Variants in MYO7A observed in about 807,000 individuals in gnomAD.
The protein encoded by MYO7A is myosin VIIA, also known as unconventional myosin-VIIa.
MYO7A carries 210 observed loss-of-function variants against 263.8 expected under a neutral mutation model. The ratio of observed to expected loss-of-function variants is 0.80; its 90% CI spans 0.71 to 0.89. The LOEUF is 0.89. Ranked by LOEUF, MYO7A falls within the 40% of genes least tolerant of loss-of-function variation. The pLI, the probability that MYO7A is intolerant of heterozygous loss-of-function variation, is 0.00. For missense variants in MYO7A, 2,820 were observed against 2,968.3 expected, an observed-to-expected ratio of 0.95 and a Z score of 1.16; for synonymous variants, 1,239 against 1,197.3, an observed-to-expected ratio of 1.03 and a Z score of -0.72.
At chr11:77,173,928 C>G (rs1954377279) in intron 16 of MYO7A, among the ~76,000 whole-genome samples, 1 of 152,012 alleles carries the variant, frequency 6.6e-6, no homozygotes, top group Admixed American at 6.5e-5. Context: ...TTCCCTGGCT[C>G]TGAAGTGGGA....
At chr11:77,179,995 G>A in intron 21 of MYO7A, 42 bp downstream of exon 21, 3 of 1,489,628 alleles carry the variant, frequency 2.0e-6, no homozygotes, top group South Asian at 2.5e-5. Flanking sequence ...CTGACCCCTG[G>A]GCGAGGAGTG....
Position 77,184,648 on chromosome 11 carries a change from C to T in MYO7A, c.3436C>T (p.Arg1146Trp), listed in dbSNP as rs1363747362. The change falls in exon 27 of 49, where the codon CGG (arginine) becomes TGG (tryptophan). Residue 1146 changes from arginine to tryptophan, a missense_variant. Coordinates refer to ENST00000409709, the MANE Select transcript of MYO7A (RefSeq NM_000260.4). ...GCAGGGCAACAGCATGCTGGAGGAC[C>T]GGCCCACCTCCAACCTGGAGAAGCT... is the stretch of plus-strand genomic sequence containing the variant. ...TVQGNSMLED[R>W]PTSNLEKLHF... The T allele has an allele frequency of 6.3e-6, 10 of 1,587,156 alleles. No individual in the cohort carries two copies. In the African/African-American group the frequency reaches 8.1e-5, roughly 13 times the overall value.
rs1317345286 is a variant in MYO7A at position 77,208,858 on chromosome 11, T to C, written c.6051+55T>C. ...GTGCACAGCTAGCGTTGCTGTACTT[T>C]GGCCCTGAAAGCAGAGACCCACTGA... On this transcript the variant is annotated intron_variant, in intron 44 of 48. Transcript: ENST00000409709. 2.1e-6 allele frequency: 3 copies of C among 1,402,906 alleles called. No individual in the cohort carries two copies. The African/African-American group carries it at 4.3e-5, about 20-fold the overall frequency. The allele number at this position is 1,402,906 out of a possible 1,614,324, so 86.9% of individuals were successfully genotyped here.
At chr11:77,160,813 G>A (rs1168216617) in intron 11 of MYO7A, among the ~76,000 whole-genome samples, 160 bp from the exon 12 acceptor site, 1 of 152,070 alleles carries the variant, frequency 6.6e-6, no homozygotes, top group Non-Finnish European at 1.5e-5. Context: ...AGGAAAAGGG[G>A]TCTCCAGGCA....
At chr11:77,168,329 A>C (rs1953755055) in intron 15 of MYO7A, among the ~76,000 whole-genome samples, 1 of 152,206 alleles carries the variant, frequency 6.6e-6, no homozygotes, top group Non-Finnish European at 1.5e-5. Context: ...CTCCAGAAGA[A>C]GTTTTAGGAA....
At position 77,179,753 on chromosome 11, in the gene MYO7A, C is replaced by G. The variant is rs111033339; in HGVS notation, c.2386C>G (p.Arg796Gly). 6 of 1,543,720 alleles carry G rather than the reference C, an allele frequency of 3.9e-6. No homozygotes were observed. Among genetic ancestry groups the G allele is most frequent in the Non-Finnish European group, 5.2e-6 (6 of 1,144,236 alleles). The change falls in exon 21 of 49, where the codon CGG (arginine) becomes GGG (glycine). Residue 796 changes from arginine to glycine, a missense_variant. Transcript: ENST00000409709. Reference sequence around the variant, plus strand: ...CTTGCAGATGCGTCTGGGCTTCCTGCGGCTGCAGGCCCTGCACCGCTCCCG... The same window carrying G: ...CTTGCAGATGCGTCTGGGCTTCCTGGGGCTGCAGGCCCTGCACCGCTCCCG... Reference protein sequence around the residue: ...NYGLMRLGFLRLQALHRSRKL... With the variant: ...NYGLMRLGFLGLQALHRSRKL...
chr11:77,205,690 C>G, intron 40 of MYO7A, 73 bp downstream of exon 40: 1 of 1,587,236 alleles, frequency 6.3e-7, no homozygotes, highest in Non-Finnish European at 8.6e-7. Flanking sequence ...TGGGATGAGC[C>G]CCTTGGGGAT....
intron 40 of MYO7A, 103 bp downstream of exon 40, chr11:77,205,720 G>C (rs943190220): frequency 1.3e-5 from 19 of 1,482,794 alleles, no homozygotes; most frequent in Non-Finnish European, 1.5e-5. Context: ...ATAGCAGTTG[G>C]GCCCACCCCT....
intron 2 of MYO7A, among the ~76,000 whole-genome samples, chr11:77,139,085 C>A (rs112916765): frequency 0.013 from 1,959 of 152,316 alleles, 23 homozygotes; most frequent in Non-Finnish European, 0.022. Flanking sequence ...GAACAATGTG[C>A]ATTTGCATGG....
chr11:77,170,149 G>T (rs1176198356), intron 15 of MYO7A, among the ~76,000 whole-genome samples: 1 of 152,188 alleles, frequency 6.6e-6, no homozygotes, highest in Non-Finnish European at 1.5e-5. Flanking sequence ...GTAGTATGGG[G>T]AAAGATTAAG....
intron 9 of MYO7A, 35 bp from the exon 10 acceptor site, chr11:77,159,412 C>T: frequency 8.3e-7 from 1 of 1,202,718 alleles, no homozygotes. Flanking sequence ...TGCCCACCCT[C>T]CCTCCCCTGA....
chr11:77,148,007 C>T (rs1181704463), intron 4 of MYO7A, 57 bp downstream of exon 4: 229 of 1,423,168 alleles, frequency 1.6e-4, no homozygotes, highest in Admixed American at 4.6e-4. Context: ...GCCCCGCCCA[C>T]CTCGCCCCAC....
At chr11:77,142,077 T>C (rs1951242134) in intron 2 of MYO7A, among the ~76,000 whole-genome samples, 1 of 152,256 alleles carries the variant, frequency 6.6e-6, no homozygotes, top group South Asian at 2.1e-4. Context: ...ATTTTACGTT[T>C]GGCTCTCACG....
chr11:77,205,531 C>G lies in MYO7A; in HGVS notation c.5550C>G (p.Leu1850=). The change falls in exon 40 of 49, where the codon CTC becomes CTG. Residue 1850 remains leucine, a synonymous_variant. Transcript: ENST00000409709. ...CTGLFPPSNI[L]LPHVQRFLQS... is the part of the protein sequence containing the mutation. The stretch of plus-strand genomic sequence containing the variant: ...GCCTTTTCCCACCCAGCAACATCCT[C>G]CTGCCCCACGTGCAGCGCTTCCTGC... The G allele has an allele frequency of 6.2e-7, 1 of 1,608,320 alleles. No homozygotes were observed. The highest frequency in any genetic ancestry group is 8.5e-7 in the Non-Finnish European group (1 of 1,177,906).
chr11:77,194,291 G>A, intron 31 of MYO7A, 63 bp from the exon 32 acceptor site: 3 of 1,553,176 alleles, frequency 1.9e-6, no homozygotes, highest in Middle Eastern at 1.7e-4. Flanking sequence ...AGCCTTTGGT[G>A]GTGTGGAAGG....
At chr11:77,152,377 C>T (rs1425893560) in intron 4 of MYO7A, among the ~76,000 whole-genome samples, 2 of 152,236 alleles carry the variant, frequency 1.3e-5, no homozygotes, top group African/African-American at 4.8e-5. Context: ...CTGCAGATTG[C>T]TGTGGCTGGC....
rs1016031402 is a variant in MYO7A at position 77,182,297 on chromosome 11, G to A, written c.3109-127G>A. The A allele has an allele frequency of 2.7e-5, 39 of 1,434,042 alleles. No homozygotes were observed. In the Admixed American group the frequency reaches 6.7e-4, roughly 25 times the overall value. 88.8% of individuals were successfully genotyped at this position (1,434,042 alleles called of 1,614,324 possible). A position where few individuals can be genotyped will look rare whatever the true frequency, so the allele number is the denominator to read the frequency against. On this transcript the variant is annotated intron_variant, in intron 24 of 48. Coordinates refer to ENST00000409709, the MANE Select transcript of MYO7A (RefSeq NM_000260.4). ...AGGTCTGACTATAGTCTTCACTGCGGTGCCCAGCCTGAGGGCTGACCATGC... is the reference window on the plus strand; with the variant it reads ...AGGTCTGACTATAGTCTTCACTGCGATGCCCAGCCTGAGGGCTGACCATGC...
At chr11:77,137,708 C>CT (rs1950960196) in intron 2 of MYO7A, among the ~76,000 whole-genome samples, 1 of 152,112 alleles carries the variant, frequency 6.6e-6, no homozygotes, top group African/African-American at 2.4e-5. Context: ...TTCAGCTGTC[C>CT]TGGGGAGTTC....
chr11:77,160,214 C>A lies in MYO7A; in HGVS notation c.1132C>A (p.Arg378Ser). The A allele has an allele frequency of 1.3e-6, 2 of 1,581,142 alleles. No homozygotes were observed. The highest frequency in any genetic ancestry group is 2.3e-5 in the East Asian group (1 of 42,708). ...CCTGACTAGCCGCACCCTCATCACCCGCGGGGAGACGGTGTCCACCCCACT... is the reference window on the plus strand; with the variant it reads ...CCTGACTAGCCGCACCCTCATCACCAGCGGGGAGACGGTGTCCACCCCACT... ...SCLTSRTLIT[R>S]GETVSTPLSR... The change falls in exon 11 of 49, where the codon CGC becomes AGC. Residue 378 changes from arginine to serine, a missense_variant. Transcript: ENST00000409709.
Sources: gnomAD v4.1 joint callset for allele counts (sites outside exome capture counted in the v4.1 genomes callset) on GRCh38, gnomAD v4.1.1 for gene constraint, MANE v1.5 for transcripts, NCBI Gene and HGNC (gene_info 2026-07-23, HGNC 2026-07-21) for gene names.